ZNF282: variants seen among roughly 807,000 people sequenced by gnomAD.
The protein encoded by ZNF282 is HTLV-I U5 repressive element-binding protein 1.
In ZNF282, 30 loss-of-function variants were observed where a neutral mutation model predicts 61.9. The ratio of observed to expected loss-of-function variants is 0.48; its 90% CI spans 0.36 to 0.66. The LOEUF is 0.66. ZNF282 is among the 30% of genes least tolerant of loss of function. The pLI is 0.00. For synonymous variants in ZNF282, 396 were observed against 405.0 expected (o/e 0.98, Z 0.27); for missense variants, 788 against 941.4 (o/e 0.84, Z 2.13).
intron 2 of ZNF282, among the ~76,000 whole-genome samples, chr7:149,200,252 T>C (rs1169983947): frequency 6.6e-6 from 1 of 152,174 alleles, no homozygotes; most frequent in Non-Finnish European, 1.5e-5. Context: ...ACTGGATCTT[T>C]CTCTCTGGAA....
rs1796309032 is a variant in ZNF282 at position 149,223,962 on chromosome 7, G to A, written c.1331G>A (p.Ser444Asn). The A allele has an allele frequency of 1.5e-6, 2 of 1,294,948 alleles. No homozygotes were observed. The highest frequency in any genetic ancestry group is 4.6e-5 in the South Asian group (2 of 43,862). 80.2% of individuals were successfully genotyped at this position (1,294,948 alleles called of 1,614,324 possible). Residue 444 changes from serine to asparagine, a missense_variant, in exon 8 of 8, where the codon AGC becomes AAC. Physicochemically the swap from Ser to Asn is conservative, Grantham distance 46. Transcript: ENST00000610704. ...AVAENPGGPP[S>N]RGLLDDGFQV... ...GCCGAGAACCCGGGCGGCCCCCCGA[G>A]CCGAGGGCTGCTGGACGACGGTTTC... is the stretch of plus-strand genomic sequence containing the variant.
chr7:149,209,057 G>A (rs942533782), intron 4 of ZNF282, among the ~76,000 whole-genome samples: 2 of 149,766 alleles, frequency 1.3e-5, no homozygotes, highest in African/African-American at 2.5e-5. Flanking sequence ...GGTGGCTCAC[G>A]CCTGTAATCC....
At chr7:149,200,656 C>T (rs185223092) in intron 2 of ZNF282, among the ~76,000 whole-genome samples, 3 of 152,186 alleles carry the variant, frequency 2.0e-5, no homozygotes, top group East Asian at 1.9e-4. Flanking sequence ...AGTGCAGTGA[C>T]GTGATCTTGG....
Position 149,198,333 on chromosome 7 carries a change from G to A in ZNF282, c.166G>A (p.Ala56Thr). 1 of 1,601,870 alleles carries A rather than the reference G, an allele frequency of 6.2e-7. No individual in the cohort carries two copies. The part of the protein sequence containing the change: ...EMAEGMPPMQ[A>T]QEWDMDARRP... ...TGTCGCTTTCTCCCTCTGCATACAG[G>A]CTCAAGAATGGGACATGGACGCCCG... The change falls in exon 2 of 8, where the codon GCT becomes ACT. Residue 56 changes from alanine to threonine, a missense_variant and splice_region_variant. Coordinates refer to ENST00000610704, the MANE Select transcript of ZNF282 (RefSeq NM_003575.4). The surrounding 1 kb of genome is among the most constrained non-coding windows in gnomAD (Gnocchi z 4.3).
At chr7:149,202,422 C>T (rs915084089) in intron 2 of ZNF282, among the ~76,000 whole-genome samples, 70 of 152,130 alleles carry the variant, frequency 4.6e-4, no homozygotes, top group Admixed American at 1.1e-3. Flanking sequence ...CACCATTCTC[C>T]GGCCTCAGCC....
At chr7:149,202,997 C>T (rs930677875) in intron 2 of ZNF282, among the ~76,000 whole-genome samples, 2 of 152,070 alleles carry the variant, frequency 1.3e-5, no homozygotes, top group East Asian at 3.8e-4. Flanking sequence ...AATGACTTTG[C>T]CAGAGGAGTT....
intron 3 of ZNF282, 62 bp downstream of exon 3, chr7:149,206,884 T>C: frequency 6.3e-7 from 1 of 1,599,650 alleles, no homozygotes; most frequent in South Asian, 1.1e-5. Flanking sequence ...AAATGCTTAT[T>C]TGTCCACGTT....
chr7:149,208,870 A>C (rs1043624216), intron 4 of ZNF282, among the ~76,000 whole-genome samples: 2 of 151,334 alleles, frequency 1.3e-5, no homozygotes, highest in Non-Finnish European at 2.9e-5. Context: ...AAATACAAAA[A>C]ATTAGCCGGG....
intron 3 of ZNF282, 39 bp downstream of exon 3, chr7:149,206,861 G>A (rs748937981): frequency 9.9e-6 from 16 of 1,611,498 alleles, no homozygotes; most frequent in South Asian, 2.2e-5. Context: ...AGCCATCTCT[G>A]CAGAGGGTTG....
chr7:149,221,541 G>A (rs1264898615), intron 7 of ZNF282, among the ~76,000 whole-genome samples: 1 of 152,182 alleles, frequency 6.6e-6, no homozygotes, highest in Non-Finnish European at 1.5e-5. Flanking sequence ...CACCTGGGAA[G>A]GAGTGAGAGT....
In ZNF282 at chr7:149,213,754, C is replaced by G. The variant is rs763042254; in HGVS notation, c.1120C>G (p.Pro374Ala). Residue 374 changes from proline (P) to alanine (A), a missense_variant, in exon 7 of 8, where the codon CCA (proline) becomes GCA (alanine). Pro to Ala is a conservative substitution (Grantham distance 27). Coordinates refer to ENST00000610704, the MANE Select transcript of ZNF282 (RefSeq NM_003575.4). The part of the protein sequence containing the change: ...ILSWIKQEEQ[P>A]YPWGPRDSMD... ...GTCATGGATCAAGCAGGAGGAGCAG[C>G]CATACCCATGGGGACCACGCGACTC... 6.2e-7 allele frequency: 1 copy of G among 1,613,994 alleles called. No individual in the cohort carries two copies. The highest frequency in any genetic ancestry group is 1.1e-5 in the South Asian group (1 of 91,072).
In ZNF282 at chr7:149,212,468, T is replaced by TCAGGTGAGAACAAGGTC. The variant is rs1796102979; in HGVS notation, c.1064_1066+14dup. 6.2e-7 allele frequency: 1 copy of TCAGGTGAGAACAAGGTC among 1,609,390 alleles called. No individual in the cohort carries two copies. Among genetic ancestry groups the TCAGGTGAGAACAAGGTC allele is most frequent in the Admixed American group, 1.7e-5 (1 of 59,602 alleles). Reference sequence around the variant, plus strand: ...CAGAGATATTCCCACGGATCCCAATTCAGGTGAGAACAAGGTCAGAATGAA... The same window carrying TCAGGTGAGAACAAGGTC: ...CAGAGATATTCCCACGGATCCCAATTCAGGTGAGAACAAGGTCCAGGTGAGAACAAGGTCAGAATGAA... On this transcript the variant is annotated frameshift_variant, in exon 6 of 8. Coordinates refer to ENST00000610704, the MANE Select transcript of ZNF282 (RefSeq NM_003575.4). LOFTEE classifies it high-confidence loss of function.
rs1157047751 is a variant in ZNF282 at position 149,224,610 on chromosome 7, C to CCCCACGGCAGCT, written c.1983_1994dup (p.Arg662_Pro665dup). ...CACAGCGGCGGCCCGGGCCCCGGCG[C>CCCCACGGCAGCT]CCCACGGCAGCTCCCGCCGCCTCCT... On this transcript the variant is annotated inframe_insertion, in exon 8 of 8. Coordinates refer to ENST00000610704, the MANE Select transcript of ZNF282 (RefSeq NM_003575.4). 4.5e-6 allele frequency: 7 copies of CCCCACGGCAGCT among 1,551,086 alleles called. No homozygotes were observed. The African/African-American group carries it at 8.2e-5, about 18-fold the overall frequency.
chr7:149,220,146 C>A (rs994239409), intron 7 of ZNF282, among the ~76,000 whole-genome samples: 1 of 152,128 alleles, frequency 6.6e-6, no homozygotes, highest in Non-Finnish European at 1.5e-5. Flanking sequence ...CGGTGGCTCA[C>A]GCCTGTAATC....
intron 7 of ZNF282, among the ~76,000 whole-genome samples, chr7:149,216,151 T>C (rs765951825): frequency 2.0e-5 from 3 of 152,148 alleles, no homozygotes; most frequent in Non-Finnish European, 4.4e-5. Context: ...CAGGCTGGAG[T>C]GCAGTGGTGT....
Position 149,198,522 on chromosome 7 carries a change from C to T in ZNF282, c.355C>T (p.Leu119=), listed in dbSNP as rs1795856865. The stretch of plus-strand genomic sequence containing the variant: ...GAAGGTGGATGCCCAGGCCAGCCAG[C>T]TGCTGAACCTGGAGGGGCGCACGGG... The part of the protein sequence containing the change: ...ERKVDAQASQ[L]LNLEGRTGTA... The change falls in exon 2 of 8, where the codon CTG becomes TTG. Residue 119 remains leucine (L), a synonymous_variant. Transcript: ENST00000610704. This position sits in a 1 kb window ranked among gnomAD's most constrained non-coding sequence, Gnocchi z 4.3. 1.2e-6 allele frequency: 2 copies of T among 1,614,174 alleles called. No homozygotes were observed. Among genetic ancestry groups the T allele is most frequent in the East Asian group, 4.5e-5 (2 of 44,874 alleles).
At chr7:149,213,638 C>A in intron 6 of ZNF282, 63 bp from the exon 7 acceptor site, 3 of 1,320,460 alleles carry the variant, frequency 2.3e-6, no homozygotes, top group Non-Finnish European at 3.2e-6. Context: ...GTTTTCAAAC[C>A]TTTGATGGGA....
At chr7:149,215,150 T>G (rs1044211796) in intron 7 of ZNF282, among the ~76,000 whole-genome samples, 1 of 151,984 alleles carries the variant, frequency 6.6e-6, no homozygotes, top group Non-Finnish European at 1.5e-5. Context: ...GGTCAAAGGC[T>G]TAACAGAATA....
In ZNF282 at chr7:149,212,407, G is replaced by A; in HGVS notation, c.1002G>A (p.Glu334=). ...TCTTGTCCCGGATTAAACAGGAGGA[G>A]CATCAGTGCGTGTGGGATCAGCAGG... ...QDLLSRIKQE[E]HQCVWDQQDL... is the part of the protein sequence containing the mutation. The change falls in exon 6 of 8, where the codon GAG becomes GAA. Residue 334 remains glutamate (E), a synonymous_variant. Transcript: ENST00000610704. 6.2e-7 allele frequency: 1 copy of A among 1,613,150 alleles called. No homozygotes were observed. The highest frequency in any genetic ancestry group is 8.5e-7 in the Non-Finnish European group (1 of 1,179,622).
Sources: allele counts gnomAD v4.1 joint callset (sites outside exome capture counted in the v4.1 genomes callset), GRCh38; gene constraint gnomAD v4.1.1; non-coding constraint Gnocchi (gnomAD v3.1); transcripts MANE v1.5; gene names NCBI Gene and HGNC (gene_info 2026-07-23, HGNC 2026-07-21).